ZNF732: variants seen among roughly 807,000 people sequenced by gnomAD.
ZNF732 encodes the protein zinc finger protein LOC654254.
A neutral mutation model predicts 11.5 loss-of-function variants in ZNF732; 12 were observed. The observed-to-expected ratio is 1.05, with a 90% CI of 0.67 to 1.70. ZNF732 has a LOEUF of 1.70. ZNF732 is among the 40% of genes most tolerant of loss of function. The pLI is 0.00. For missense variants in ZNF732, 702 were observed against 676.9 expected, an observed-to-expected ratio of 1.04 and a Z score of -0.41; for synonymous variants, 231 against 236.5, an observed-to-expected ratio of 0.98 and a Z score of 0.21.
At position 270,937 on chromosome 4, in the gene ZNF732, G is replaced by T; in HGVS notation, c.*162C>A. On this transcript the variant is annotated 3_prime_UTR_variant, in exon 4 of 4. Coordinates refer to ENST00000419098, the MANE Select transcript of ZNF732 (RefSeq NM_001137608.3). ...TTTCCCACATTCTTTACATTTGTAG[G>T]GTTTTTCTCCAGTATGAATTCTTAC... 1 of 771,366 alleles carries T rather than the reference G, an allele frequency of 1.3e-6. No individual in the cohort carries two copies. The highest frequency in any genetic ancestry group is 1.6e-5 in the South Asian group (1 of 64,200). 47.8% of individuals were successfully genotyped at this position (771,366 alleles called of 1,614,324 possible).
intron 3 of ZNF732, among the ~76,000 whole-genome samples, chr4:286,613 C>T (rs989583326): frequency 1.3e-5 from 2 of 152,334 alleles, no homozygotes; most frequent in Admixed American, 1.3e-4. Flanking sequence ...TAGAAACAGA[C>T]TAAACTGTGA....
intron 3 of ZNF732, among the ~76,000 whole-genome samples, chr4:273,995 C>CA (rs1193758182): frequency 1.3e-5 from 2 of 151,316 alleles, no homozygotes; most frequent in African/African-American, 2.4e-5. Context: ...CACGTCTTAC[C>CA]AAAAAAATGC....
intron 3 of ZNF732, among the ~76,000 whole-genome samples, chr4:279,695 A>G (rs1553839413): frequency 1.3e-5 from 2 of 152,134 alleles, no homozygotes; most frequent in African/African-American, 4.8e-5. Flanking sequence ...AAGCAATGTT[A>G]GGTTTTTCAT....
chr4:275,024 G>C (rs1400144509), intron 3 of ZNF732, among the ~76,000 whole-genome samples: 1 of 151,642 alleles, frequency 6.6e-6, no homozygotes, highest in Non-Finnish European at 1.5e-5. Context: ...TAAGGAAACA[G>C]GAGACTTGAA....
Position 271,096 on chromosome 4 carries a change from T to C in ZNF732, c.*3A>G, listed in dbSNP as rs1553837136. On this transcript the variant is annotated 3_prime_UTR_variant, in exon 4 of 4. Coordinates refer to ENST00000419098, the MANE Select transcript of ZNF732 (RefSeq NM_001137608.3). ...CAAAGGCTTTGCCACATTCTTCATA[T>C]TTCTAGAGTTTCTCTCCAGTATAAA... 2.0e-6 allele frequency: 3 copies of C among 1,502,998 alleles called. No individual in the cohort carries two copies. The highest frequency in any genetic ancestry group is 1.8e-4 in the Middle Eastern group (1 of 5,698). 93.1% of individuals were successfully genotyped at this position (1,502,998 alleles called of 1,614,324 possible). A position where few individuals can be genotyped will look rare whatever the true frequency, so the allele number is the denominator to read the frequency against.
At chr4:275,669 G>A (rs1419796104) in intron 3 of ZNF732, among the ~76,000 whole-genome samples, 9 of 151,696 alleles carry the variant, frequency 5.9e-5, no homozygotes, top group Admixed American at 1.3e-4. Context: ...TAACAGCAAC[G>A]CATATTTCTC....
Position 272,171 on chromosome 4 carries a change from C to T in ZNF732, c.686G>A (p.Gly229Asp), listed in dbSNP as rs1719395506. Reference protein sequence around the residue: ...GEKPFTCEECGNIFTTSSNFA... With the variant: ...GEKPFTCEECDNIFTTSSNFA... ...GTTTGAGGATGTGGTAAAGATGTTG[C>T]CACATTCTTCACATGTGAAGGGTTT... is the stretch of plus-strand genomic sequence containing the variant. The change falls in exon 4 of 4, where the codon GGC becomes GAC. Residue 229 changes from glycine to aspartate, a missense_variant. Physicochemically the swap from Gly to Asp is moderately conservative, Grantham distance 94. Around this residue, in one of 3 missense-constraint regions of ZNF732, gnomAD observed 596 missense variants for 557.9 expected, o/e 1.07. Transcript: ENST00000419098. 1 of 1,613,322 alleles carries T rather than the reference C, an allele frequency of 6.2e-7. No individual in the cohort carries two copies. Among genetic ancestry groups the T allele is most frequent in the Non-Finnish European group, 8.5e-7 (1 of 1,179,594 alleles).
intron 3 of ZNF732, among the ~76,000 whole-genome samples, chr4:291,051 T>G (rs1166241748): frequency 6.6e-6 from 1 of 152,144 alleles, no homozygotes; most frequent in African/African-American, 2.4e-5. Flanking sequence ...TATTACCAAA[T>G]GTACCAGAAC....
At chr4:303,010 C>G (rs1398881279) in intron 1 of ZNF732, among the ~76,000 whole-genome samples, 3 of 152,180 alleles carry the variant, frequency 2.0e-5, no homozygotes, top group Non-Finnish European at 4.4e-5. Flanking sequence ...TGCAAGCTGA[C>G]TCCCAGCACA....
Position 271,276 on chromosome 4 carries a change from C to A in ZNF732, c.1581G>T (p.Glu527Asp), listed in dbSNP as rs967676985. Residue 527 changes from glutamate to aspartate, a missense_variant, in exon 4 of 4, where the codon GAG becomes GAT. Coordinates refer to ENST00000419098, the MANE Select transcript of ZNF732 (RefSeq NM_001137608.3). The part of the protein sequence containing the change: ...LSKHKKIHTG[E>D]KPYRCEECGK... The stretch of plus-strand genomic sequence containing the variant: ...CACACTCTTCACATCTATAAGGTTT[C>A]TCTCCAGTATGAATTTTCTTATGTT... 1 of 1,583,162 alleles carries A rather than the reference C, an allele frequency of 6.3e-7. No individual in the cohort carries two copies. Among genetic ancestry groups the A allele is most frequent in the Non-Finnish European group, 8.6e-7 (1 of 1,163,614 alleles).
In ZNF732 at chr4:275,636, G is replaced by A. The variant is rs560121239; in HGVS notation, c.227-3006C>T. The stretch of plus-strand genomic sequence containing the variant: ...AGTAATTTAGACACTCATAATTATT[G>A]CAGCACTGTTCCTGAAAGCAAATAA... On this transcript the variant is annotated intron_variant, in intron 3 of 3. Transcript: ENST00000419098. 3.3e-5 allele frequency among the ~76,000 whole-genome samples: 5 copies of A among 151,844 alleles called. No individual in the cohort carries two copies. The South Asian group carries it at 8.3e-4, about 25-fold the overall frequency.
chr4:289,122 G>A (rs1347836770), intron 3 of ZNF732, among the ~76,000 whole-genome samples: 4 of 152,238 alleles, frequency 2.6e-5, no homozygotes, highest in Admixed American at 6.5e-5. Context: ...GTAGAAGCAG[G>A]AGCAAGTGTG....
rs61392588 is a variant in ZNF732, at chr4:299,461, G to GTATATATATATATACACATATGTGTA, written c.4-3307_4-3306insTACACATATGTGTATATATATATATA. Among the ~76,000 whole-genome samples the GTATATATATATATACACATATGTGTA allele has an allele frequency of 2.9e-3, 239 of 83,496 alleles. 19 individuals carry two copies. Among genetic ancestry groups the GTATATATATATATACACATATGTGTA allele is most frequent in the South Asian group, 3.7e-3 (10 of 2,676 alleles). 54.8% of individuals were successfully genotyped at this position (83,496 alleles called of 152,430 possible). On this transcript the variant is annotated intron_variant, in intron 1 of 3. Transcript: ENST00000419098. ...TATATATATATATATACACATATGT[G>GTATATATATATATACACATATGTGTA]TATATATATATACACATATATACAC...
At chr4:292,204 T>C (rs1553841423) in intron 3 of ZNF732, among the ~76,000 whole-genome samples, 1 of 151,946 alleles carries the variant, frequency 6.6e-6, no homozygotes, top group Non-Finnish European at 1.5e-5. Context: ...AAAACACAAG[T>C]GGGATTGTAT....
intron 3 of ZNF732, among the ~76,000 whole-genome samples, chr4:281,495 C>A (rs1553839811): frequency 6.6e-6 from 1 of 152,192 alleles, no homozygotes; most frequent in East Asian, 1.9e-4. Context: ...AGGCTTTTTT[C>A]CTCAGTGCCA....
intron 3 of ZNF732, among the ~76,000 whole-genome samples, chr4:284,463 T>TA (rs1410845285): frequency 3.3e-5 from 5 of 152,212 alleles, no homozygotes; most frequent in African/African-American, 1.2e-4. Context: ...ATTTTATATT[T>TA]AAAAAATCTC....
At chr4:282,766 C>T (rs541871703) in intron 3 of ZNF732, among the ~76,000 whole-genome samples, 1 of 151,428 alleles carries the variant, frequency 6.6e-6, no homozygotes. Context: ...ATTTTATGGT[C>T]CCTTGGAAAT....
chr4:299,882 T>A (rs1273351416), intron 1 of ZNF732, among the ~76,000 whole-genome samples: 15 of 142,860 alleles, frequency 1.0e-4, no homozygotes, highest in African/African-American at 1.6e-4. Context: ...TTTTTTTTTT[T>A]AAGTAGAGAC....
rs143505589 is a variant in ZNF732 at position 275,149 on chromosome 4, A to T, written c.227-2519T>A. ...TATTCTCCTTGATAGACTACATGTC[A>T]GGGCACAAAAAAAGTCTTAAAGTTT... On this transcript the variant is annotated intron_variant, in intron 3 of 3. Coordinates refer to ENST00000419098, the MANE Select transcript of ZNF732 (RefSeq NM_001137608.3). Among the ~76,000 whole-genome samples the T allele has an allele frequency of 2.3e-3, 345 of 151,850 alleles. 1 individual carries two copies. Among genetic ancestry groups the T allele is most frequent in the African/African-American group, 7.8e-3 (326 of 41,538 alleles).
Sources: gnomAD v4.1 joint callset for allele counts (sites outside exome capture counted in the v4.1 genomes callset) on GRCh38, gnomAD v4.1.1 for gene constraint, gnomAD v4.1.1 regional missense constraint, MANE v1.5 for transcripts, NCBI Gene and HGNC (gene_info 2026-07-23, HGNC 2026-07-21) for gene names.